The following ZNF230 variants were observed in gnomAD, a reference collection of about 807,000 sequenced individuals.
ZNF230 encodes zinc finger protein 230.
In ZNF230, 12 loss-of-function variants were observed where a neutral mutation model predicts 10.0. The observed-to-expected ratio is 1.20, with a 90% CI of 0.77 to 1.95. ZNF230 has a LOEUF of 1.95. ZNF230 is among the 30% of genes most tolerant of loss of function. The pLI is 0.00. For synonymous variants in ZNF230, 174 were observed against 193.6 expected, an observed-to-expected ratio of 0.90 and a Z score of 0.84; for missense variants, 532 against 565.8, an observed-to-expected ratio of 0.94 and a Z score of 0.61.
chr19:44,003,821 G>T (rs1976093354), intron 1 of ZNF230: 1 of 159,696 alleles, frequency 6.3e-6, no homozygotes, highest in African/African-American at 2.4e-5. Context: ...AATGGGTGTT[G>T]ATAATCATTA....
chr19:44,008,081 G>T (rs117107501), intron 2 of ZNF230, among the ~76,000 whole-genome samples: 2 of 152,282 alleles, frequency 1.3e-5, no homozygotes, highest in African/African-American at 4.8e-5. Flanking sequence ...GTGGAGTCAC[G>T]ACTGCACTTG....
At chr19:44,010,072 T>A (rs1232792316) in intron 4 of ZNF230, among the ~76,000 whole-genome samples, 197 bp from the exon 5 acceptor site, 1 of 152,254 alleles carries the variant, frequency 6.6e-6, no homozygotes, top group African/African-American at 2.4e-5. Context: ...TGGAGTCTGT[T>A]ATTTCCATCA....
At position 44,007,130 on chromosome 19, in the gene ZNF230, A is replaced by G. The variant is rs750697645; in HGVS notation, c.15+37A>G. On this transcript the variant is annotated intron_variant, in intron 2 of 4. Transcript: ENST00000429154. ...TCACCTCTCTTGCTATTAAAATTCC[A>G]TCTTATTGCTCATATTGTCATATAT... The G allele has an allele frequency of 2.5e-6, 4 of 1,594,200 alleles. No individual in the cohort carries two copies. The South Asian group carries it at 4.5e-5, about 18-fold the overall frequency.
rs1242095769 is a variant in ZNF230 at position 44,011,144 on chromosome 19, T to C, written c.1105T>C (p.Cys369Arg). The C allele has an allele frequency of 6.2e-7, 1 of 1,613,782 alleles. No individual in the cohort carries two copies. ...AGAAAAACCATACAGATGTGAGGAG[T>C]GTGGGAAGGGCTACATTAGTAAGTC... is the stretch of plus-strand genomic sequence containing the variant. ...SGEKPYRCEE[C>R]GKGYISKSGL... is the part of the protein sequence containing the mutation. The change falls in exon 5 of 5, where the codon TGT (cysteine) becomes CGT (arginine). Residue 369 changes from cysteine to arginine, a missense_variant. Transcript: ENST00000429154.
chr19:44,012,230 G>T lies in ZNF230; in HGVS notation c.*766G>T, dbSNP rs1028152081. 6 of 362,216 alleles carry T rather than the reference G, an allele frequency of 1.7e-5. No homozygotes were observed. The highest frequency in any genetic ancestry group is 4.3e-5 in the African/African-American group (2 of 46,628). 22.4% of individuals were successfully genotyped at this position (362,216 alleles called of 1,614,324 possible). A position where few individuals can be genotyped will look rare whatever the true frequency, so the allele number is the denominator to read the frequency against. ...TCCTCAACTGCACCAGAGTGTCCAC[G>T]TTGGACAGAATCCTTAGTAATGAGG... On this transcript the variant is annotated 3_prime_UTR_variant, in exon 5 of 5. Transcript: ENST00000429154.
At chr19:44,003,314 TCA>T (rs773673823) in intron 1 of ZNF230, 6 of 152,272 alleles carry the variant, frequency 3.9e-5, no homozygotes, top group Admixed American at 6.5e-5. Context: ...GGAGTGTTAC[TCA>T]ATGTCCTTAT....
At chr19:44,004,521 C>G (rs1268571975) in intron 1 of ZNF230, 1 of 151,242 alleles carries the variant, frequency 6.6e-6, no homozygotes, top group Non-Finnish European at 1.5e-5. Context: ...CACTTGAGGT[C>G]AGTAGTTTGA....
rs1410013335 is a variant in ZNF230 at position 44,013,326 on chromosome 19, A to G, written c.*1862A>G. On this transcript the variant is annotated 3_prime_UTR_variant, in exon 5 of 5. Transcript: ENST00000429154. ...TATCGGAGTTTGGTAATTTCATGAA[A>G]TGTATCCATGATTGGGGTAGGAGTG... 6.6e-6 allele frequency: 1 copy of G among 152,214 alleles called. No individual in the cohort carries two copies. Among genetic ancestry groups the G allele is most frequent in the African/African-American group, 2.4e-5 (1 of 41,450 alleles). 9.4% of individuals were successfully genotyped at this position (152,214 alleles called of 1,614,324 possible).
Position 44,010,547 on chromosome 19 carries a change from T to A in ZNF230, c.508T>A (p.Cys170Ser), listed in dbSNP as rs73554168. The A allele has an allele frequency of 8.1e-6, 13 of 1,614,126 alleles. No individual in the cohort carries two copies. Among genetic ancestry groups the A allele is most frequent in the Non-Finnish European group, 1.0e-5 (12 of 1,180,044 alleles). ...CCACTCAGGAGAGAAGTCTCATACA[T>A]GCAATGAGTGTGGAAAAAGCTTCTG... Reference protein sequence around the residue: ...QFHSGEKSHTCNECGKSFCYI... With the variant: ...QFHSGEKSHTSNECGKSFCYI... Residue 170 changes from cysteine to serine, a missense_variant, in exon 5 of 5, where the codon TGC becomes AGC. Transcript: ENST00000429154.
In ZNF230 at chr19:44,010,848, A is replaced by C. The variant is rs1049057007; in HGVS notation, c.809A>C (p.His270Pro). Residue 270 changes from histidine (H) to proline (P), a missense_variant, in exon 5 of 5, where the codon CAT (histidine) becomes CCT (proline). Physicochemically the swap from His to Pro is moderately conservative, Grantham distance 77 (BLOSUM62 -2). Transcript: ENST00000429154. ...ATTCACGATTTCCAGCTTCAGAAAC[A>C]TCAGATAATTCATACTGGGGAGAAG... ...AFIHDFQLQK[H>P]QIIHTGEKPF... The C allele has an allele frequency of 6.2e-7, 1 of 1,614,114 alleles. No homozygotes were observed. The highest frequency in any genetic ancestry group is 8.5e-7 in the Non-Finnish European group (1 of 1,180,040).
Position 44,010,680 on chromosome 19 carries a change from G to C in ZNF230, c.641G>C (p.Arg214Pro). ...AGTCAGAGCTCATGTCTGCAAACTC[G>C]TGAGAGAGTCCACACTGGAGAGAAA... ...EFSQSSCLQTRERVHTGEKPF... is the reference protein window; with the variant it reads ...EFSQSSCLQTPERVHTGEKPF... Residue 214 changes from arginine to proline, a missense_variant, in exon 5 of 5, where the codon CGT (arginine) becomes CCT (proline). Coordinates refer to ENST00000429154, the MANE Select transcript of ZNF230 (RefSeq NM_006300.4). 1 of 1,614,212 alleles carries C rather than the reference G, an allele frequency of 6.2e-7. No homozygotes were observed. Among genetic ancestry groups the C allele is most frequent in the Non-Finnish European group, 8.5e-7 (1 of 1,180,030 alleles).
In ZNF230 at chr19:44,009,246, A is replaced by C. The variant is rs762803715; in HGVS notation, c.229+76A>C. ...GTTTTACTTCTGACCATGCCCACTT[A>C]TATCACCCTGATCTAAATTGCCCAA... On this transcript the variant is annotated intron_variant, in intron 4 of 4. Transcript: ENST00000429154. 3 of 1,486,170 alleles carry C rather than the reference A, an allele frequency of 2.0e-6. No homozygotes were observed. The African/African-American group carries it at 4.2e-5, about 21-fold the overall frequency. 92.1% of individuals were successfully genotyped at this position (1,486,170 alleles called of 1,614,324 possible). A position where few individuals can be genotyped will look rare whatever the true frequency, so the allele number is the denominator to read the frequency against.
In ZNF230 at chr19:44,006,274, G is replaced by A. The variant is rs555160908; in HGVS notation, c.-68-737G>A. On this transcript the variant is annotated intron_variant, in intron 1 of 4. Transcript: ENST00000429154. ...AAGATGATGCCTTTCAGATTTGTCC[G>A]CTGTAAAGTTACCTTTTTTAAAAAA... 3.9e-4 allele frequency among the ~76,000 whole-genome samples: 60 copies of A among 152,194 alleles called. 1 individual carries two copies. In the South Asian group the frequency reaches 8.3e-3, roughly 21 times the overall value.
chr19:44,006,856 C>T, intron 1 of ZNF230, 155 bp from the exon 2 acceptor site: 2 of 406,824 alleles, frequency 4.9e-6, no homozygotes, highest in Middle Eastern at 6.1e-4. Context: ...ATTTTTCTAT[C>T]CATTTACCCA....
chr19:44,004,185 C>A (rs937259882), intron 1 of ZNF230: 1 of 152,102 alleles, frequency 6.6e-6, no homozygotes, highest in Non-Finnish European at 1.5e-5. Flanking sequence ...CCAAGTATTT[C>A]GTACTGTTGT....
rs1976164868 is a variant in ZNF230 at position 44,010,349 on chromosome 19, A to G, written c.310A>G (p.Thr104Ala). The G allele has an allele frequency of 1.2e-6, 2 of 1,614,134 alleles. No individual in the cohort carries two copies. The highest frequency in any genetic ancestry group is 1.7e-6 in the Non-Finnish European group (2 of 1,180,048). Residue 104 changes from threonine (T) to alanine (A), a missense_variant, in exon 5 of 5, where the codon ACC becomes GCC. Transcript: ENST00000429154. ...CTGGGAACAAACTGCAAGTGACTTA[A>G]CCCAGTCTCAAGACTCCATCATAAA... Reference protein sequence around the residue: ...QIWEQTASDLTQSQDSIINNS... With the variant: ...QIWEQTASDLAQSQDSIINNS...
rs906664246 is a variant in ZNF230, at chr19:44,010,527, C to T, written c.488C>T (p.Ser163Leu). Residue 163 changes from serine to leucine, a missense_variant, in exon 5 of 5, where the codon TCA becomes TTA. By Grantham distance (145) the Ser-to-Leu change is moderately radical. Transcript: ENST00000429154. The stretch of plus-strand genomic sequence containing the variant: ...TTTGATCCTCCTCAGCAGTTCCACT[C>T]AGGAGAGAAGTCTCATACATGCAAT... ...AIFDPPQQFHSGEKSHTCNEC... is the reference protein window; with the variant it reads ...AIFDPPQQFHLGEKSHTCNEC... The T allele has an allele frequency of 2.5e-6, 4 of 1,614,126 alleles. No individual in the cohort carries two copies. The highest frequency in any genetic ancestry group is 1.3e-5 in the African/African-American group (1 of 74,948).
In ZNF230 at chr19:44,011,479, T is replaced by C. The variant is rs757716367; in HGVS notation, c.*15T>C. The C allele has an allele frequency of 5.2e-6, 8 of 1,553,176 alleles. No homozygotes were observed. The East Asian group carries it at 1.7e-4, about 33-fold the overall frequency. On this transcript the variant is annotated 3_prime_UTR_variant, in exon 5 of 5. Coordinates refer to ENST00000429154, the MANE Select transcript of ZNF230 (RefSeq NM_006300.4). ...ATGATATGTAAGTTGTACATATATA[T>C]GGGATATGGTATGAAATTTTAATAT...
At position 44,010,779 on chromosome 19, in the gene ZNF230, C is replaced by T. The variant is rs747999385; in HGVS notation, c.740C>T (p.Thr247Ile). The T allele has an allele frequency of 1.2e-6, 2 of 1,614,192 alleles. No homozygotes were observed. Among genetic ancestry groups the T allele is most frequent in the Non-Finnish European group, 1.7e-6 (2 of 1,180,012 alleles). The change falls in exon 5 of 5, where the codon ACA (threonine) becomes ATA (isoleucine). Residue 247 changes from threonine (T) to isoleucine (I), a missense_variant. Thr to Ile is a moderately conservative substitution (Grantham distance 89). Transcript: ENST00000429154. Reference protein sequence around the residue: ...AILQVHCKLHTGEKPYICEKC... With the variant: ...AILQVHCKLHIGEKPYICEKC... The stretch of plus-strand genomic sequence containing the variant: ...CTTCAAGTTCACTGCAAATTACACA[C>T]AGGAGAGAAACCTTATATTTGTGAG...
Sources: allele counts gnomAD v4.1 joint callset (sites outside exome capture counted in the v4.1 genomes callset), GRCh38; gene constraint gnomAD v4.1.1; transcripts MANE v1.5; gene names NCBI Gene and HGNC (gene_info 2026-07-23, HGNC 2026-07-21).